The following CDH13 variants were observed in gnomAD, a reference collection of about 807,000 sequenced individuals.
CDH13 encodes the protein cadherin-13.
In CDH13, 24 loss-of-function variants were observed where a neutral mutation model predicts 63.8. The observed-to-expected ratio is 0.38, with a 90% confidence interval of 0.27 to 0.53. CDH13 has a LOEUF of 0.53. Among genes scored for constraint, CDH13 ranks in the 20% least tolerant of loss-of-function variants. CDH13 has a pLI of 0.85. For synonymous variants in CDH13, 503 were observed against 355.3 expected (o/e 1.42, Z -4.67); for missense variants, 1,049 against 903.1 (o/e 1.16, Z -2.07).
intron 11 of CDH13, among the ~76,000 whole-genome samples, chr16:83,778,214 C>T (rs1915254308): frequency 6.6e-6 from 1 of 152,198 alleles, no homozygotes; most frequent in Non-Finnish European, 1.5e-5. Context: ...GTTTTATTAA[C>T]ATTGTTTAAT....
intron 7 of CDH13, among the ~76,000 whole-genome samples, chr16:83,508,003 G>C (rs555594151): frequency 6.7e-6 from 1 of 149,552 alleles, no homozygotes; most frequent in Non-Finnish European, 1.5e-5. Context: ...CTGCACTCCA[G>C]CTTGGGCAAC....
intron 4 of CDH13, among the ~76,000 whole-genome samples, chr16:83,177,797 C>G (rs571446221): frequency 1.3e-5 from 2 of 152,272 alleles, no homozygotes; most frequent in East Asian, 3.9e-4. Flanking sequence ...TTGAGTTCCC[C>G]TTATTGTGTG....
At chr16:83,552,385 C>T (rs1185403592) in intron 7 of CDH13, among the ~76,000 whole-genome samples, 1 of 152,188 alleles carries the variant, frequency 6.6e-6, no homozygotes, top group Non-Finnish European at 1.5e-5. Context: ...CTGGTAACTC[C>T]TGTAACTGTC....
At chr16:82,638,540 A>G (rs1030275878) in intron 1 of CDH13, among the ~76,000 whole-genome samples, 44 of 152,258 alleles carry the variant, frequency 2.9e-4, no homozygotes, top group African/African-American at 1.1e-3. Flanking sequence ...TTTTCACCCT[A>G]TGCTCCAAGG....
chr16:83,411,798 C>G (rs1371263344), intron 6 of CDH13, among the ~76,000 whole-genome samples: 1 of 152,186 alleles, frequency 6.6e-6, no homozygotes, highest in Non-Finnish European at 1.5e-5. Context: ...GGGTAGGAAA[C>G]TAACAAGTAT....
intron 1 of CDH13, among the ~76,000 whole-genome samples, chr16:82,661,423 T>C (rs1349658394): frequency 6.6e-6 from 1 of 152,248 alleles, no homozygotes; most frequent in Non-Finnish European, 1.5e-5. Flanking sequence ...ACGCACGATA[T>C]TAATGAGATG....
intron 2 of CDH13, among the ~76,000 whole-genome samples, chr16:82,862,312 A>T (rs2039976861): frequency 1.3e-5 from 2 of 152,226 alleles, no homozygotes; most frequent in Non-Finnish European, 2.9e-5. Flanking sequence ...CCCAGCTGGG[A>T]TGGGAAGATC....
At chr16:83,620,490 G>C (rs1215233687) in intron 8 of CDH13, among the ~76,000 whole-genome samples, 2 of 151,888 alleles carry the variant, frequency 1.3e-5, no homozygotes, top group East Asian at 3.9e-4. Context: ...TGAGTCAATG[G>C]CTAGGAGATT....
intron 7 of CDH13, among the ~76,000 whole-genome samples, chr16:83,542,802 A>C (rs967288936): frequency 1.3e-5 from 2 of 152,130 alleles, no homozygotes; most frequent in African/African-American, 4.8e-5. Flanking sequence ...CTGTGTCCTA[A>C]TTTCTCATTT....
chr16:83,096,375 G>A (rs2034192981), intron 3 of CDH13, among the ~76,000 whole-genome samples: 1 of 152,180 alleles, frequency 6.6e-6, no homozygotes. Flanking sequence ...GCTGGGACCT[G>A]CATATCTTAA....
rs527645808 is a variant in CDH13 at position 82,829,498 on chromosome 16, G to C, written c.46-28864G>C. 3.3e-5 allele frequency: 5 copies of C among 152,154 alleles called. 1 individual carries two copies. The highest frequency in any genetic ancestry group is 1.2e-4 in the African/African-American group (5 of 41,510). 9.4% of individuals were successfully genotyped at this position (152,154 alleles called of 1,614,324 possible). A position where few individuals can be genotyped will look rare whatever the true frequency, so the allele number is the denominator to read the frequency against. ...TACCCAAGAGGAAATAATTTGATTT[G>C]GGGCTGCAGGGGGTAGGGTGGAAAA... On this transcript the variant is annotated intron_variant, in intron 1 of 13. Coordinates refer to ENST00000567109, the MANE Select transcript of CDH13 (RefSeq NM_001257.5).
chr16:82,724,551 T>C (rs758471600), intron 1 of CDH13, among the ~76,000 whole-genome samples: 3 of 152,186 alleles, frequency 2.0e-5, no homozygotes, highest in Non-Finnish European at 2.9e-5. Flanking sequence ...CATTCTACAT[T>C]TATTGGGATG....
chr16:82,642,550 C>T (rs553646376), intron 1 of CDH13, among the ~76,000 whole-genome samples: 11 of 152,220 alleles, frequency 7.2e-5, no homozygotes, highest in African/African-American at 2.6e-4. Context: ...TATGATGAGA[C>T]TTGACTATAT....
chr16:83,362,206 G>T lies in CDH13; in HGVS notation c.781+17200G>T, dbSNP rs138613911. Among the ~76,000 whole-genome samples the T allele has an allele frequency of 8.7e-3, 1,327 of 152,264 alleles. 16 individuals carry two copies. Among genetic ancestry groups the T allele is most frequent in the African/African-American group, 0.03 (1,232 of 41,556 alleles). Reference sequence around the variant, plus strand: ...TTTCAGGAGCCCACCAGTGATTCAAGTTACATACCCCTTCATAAATTTCCA... The same window carrying T: ...TTTCAGGAGCCCACCAGTGATTCAATTTACATACCCCTTCATAAATTTCCA... On this transcript the variant is annotated intron_variant, in intron 6 of 13. Coordinates refer to ENST00000567109, the MANE Select transcript of CDH13 (RefSeq NM_001257.5).
At chr16:82,995,123 C>T (rs536815439) in intron 2 of CDH13, among the ~76,000 whole-genome samples, 1 of 152,326 alleles carries the variant, frequency 6.6e-6, no homozygotes, top group Admixed American at 6.5e-5. Flanking sequence ...TATCAATTAT[C>T]ATCACAACCC....
chr16:83,769,406 A>G (rs1406241407), intron 11 of CDH13, among the ~76,000 whole-genome samples: 1 of 152,202 alleles, frequency 6.6e-6, no homozygotes, highest in Non-Finnish European at 1.5e-5. Context: ...TCACTGCAGC[A>G]GAGTCCAATT....
At chr16:83,411,612 G>A (rs950246741) in intron 6 of CDH13, among the ~76,000 whole-genome samples, 6 of 152,130 alleles carry the variant, frequency 3.9e-5, no homozygotes, top group Admixed American at 1.3e-4. Flanking sequence ...ACTTTTAATT[G>A]TGATGGCTCA....
intron 7 of CDH13, among the ~76,000 whole-genome samples, chr16:83,597,655 G>A (rs1266931476): frequency 2.0e-5 from 3 of 152,106 alleles, no homozygotes; most frequent in African/African-American, 7.2e-5. Context: ...CCTTAAGTTT[G>A]CCAGAAAATT....
chr16:82,824,393 T>A (rs139325764), intron 1 of CDH13: 1 of 152,188 alleles, frequency 6.6e-6, no homozygotes, highest in African/African-American at 2.4e-5. Flanking sequence ...AGAGAGTTTC[T>A]CTTTCTAGGT....
Sources: gnomAD v4.1 joint callset for allele counts (sites outside exome capture counted in the v4.1 genomes callset) on GRCh38, gnomAD v4.1.1 for gene constraint, MANE v1.5 for transcripts, NCBI Gene and HGNC (gene_info 2026-07-23, HGNC 2026-07-21) for gene names.